EP300: variants seen among roughly 807,000 people sequenced by gnomAD.
EP300 encodes the protein EP300 lysine acetyltransferase.
Under a neutral mutation model 264.0 loss-of-function variants are expected in EP300, and 31 were observed. That is an observed-to-expected ratio of 0.12 (90% confidence interval 0.09 to 0.16). EP300 has a LOEUF of 0.16. Ranked by LOEUF, EP300 falls within the 10% of genes least tolerant of loss-of-function variation. The probability of loss-of-function intolerance (pLI) is 1.00; values close to 1 mark genes in which losing one functional copy is unlikely to be tolerated. For missense variants in EP300, 2,766 were observed against 3,052.9 expected (o/e 0.91, Z 2.21); for synonymous variants, 1,340 against 1,045.4 (o/e 1.28, Z -5.44).
At chr22:41,170,748 G>A (rs1308215476) in intron 27 of EP300, among the ~76,000 whole-genome samples, 177 bp downstream of exon 27, 2 of 131,712 alleles carry the variant, frequency 1.5e-5, no homozygotes, top group South Asian at 2.6e-4. Context: ...TTCAAGCTCC[G>A]CCTCCTGGGT....
At chr22:41,163,957 AC>A in intron 21 of EP300, 95 bp from the exon 22 acceptor site, 1 of 1,101,056 alleles carries the variant, frequency 9.1e-7, no homozygotes, top group East Asian at 2.4e-5. Context: ...TTTGGTCATG[AC>A]CTTGGCTGTC....
intron 20 of EP300, among the ~76,000 whole-genome samples, chr22:41,161,558 A>C (rs1168544694): frequency 1.3e-5 from 2 of 152,192 alleles, no homozygotes; most frequent in Non-Finnish European, 2.9e-5. Flanking sequence ...TGGAGCTTGC[A>C]GTGAGCTGAG....
intron 10 of EP300, among the ~76,000 whole-genome samples, chr22:41,145,603 G>A (rs2059006248): frequency 6.6e-6 from 1 of 152,238 alleles, no homozygotes; most frequent in Admixed American, 6.5e-5. Context: ...CCAGGAAAAA[G>A]ACCTTAGAAT....
At chr22:41,175,227 G>T (rs1221486874) in intron 29 of EP300, among the ~76,000 whole-genome samples, 4 of 152,008 alleles carry the variant, frequency 2.6e-5, no homozygotes, top group East Asian at 1.9e-4. Context: ...TCCAAGTATT[G>T]GCCTGGTTGT....
At position 41,106,370 on chromosome 22, in the gene EP300, T is replaced by C. The variant is rs981305241; in HGVS notation, c.95-10817T>C. On this transcript the variant is annotated intron_variant, in intron 1 of 30. Coordinates refer to ENST00000263253, the MANE Select transcript of EP300 (RefSeq NM_001429.4). ...GGTTTGGTTTTCAACTCCATTCTTT[T>C]TTTGTTTCATTTTTTAAAAAATTCC... 2.0e-5 allele frequency among the ~76,000 whole-genome samples: 3 copies of C among 152,090 alleles called. No individual in the cohort carries two copies. In the East Asian group the frequency reaches 5.8e-4, roughly 29 times the overall value.
intron 16 of EP300, among the ~76,000 whole-genome samples, 156 bp from the exon 17 acceptor site, chr22:41,154,839 A>G (rs1342670061): frequency 1.3e-5 from 2 of 152,188 alleles, no homozygotes; most frequent in Non-Finnish European, 2.9e-5. Context: ...AGAATCTAGA[A>G]TCAGTGATTG....
chr22:41,156,547 C>T (rs1467450483), intron 17 of EP300, among the ~76,000 whole-genome samples: 1 of 151,980 alleles, frequency 6.6e-6, no homozygotes. Flanking sequence ...ATGGTGAAAC[C>T]CCATCTCTAC....
In EP300 at chr22:41,150,139, A is replaced by G; in HGVS notation, c.2758A>G (p.Thr920Ala). 1 of 1,612,614 alleles carries G rather than the reference A, an allele frequency of 6.2e-7. No individual in the cohort carries two copies. Among genetic ancestry groups the G allele is most frequent in the Non-Finnish European group, 8.5e-7 (1 of 1,179,948 alleles). Residue 920 changes from threonine to alanine, a missense_variant, in exon 14 of 31, where the codon ACA (threonine) becomes GCA (alanine). Transcript: ENST00000263253. ...GCAGCAGCCTCGCTCACAGCAGAGCACAGCAGCGTCTGTTCCTACCCCAAC... is the reference window on the plus strand; with the variant it reads ...GCAGCAGCCTCGCTCACAGCAGAGCGCAGCAGCGTCTGTTCCTACCCCAAC... The part of the protein sequence containing the change: ...PQQQPRSQQS[T>A]AASVPTPTAP...
At chr22:41,119,724 G>C (rs1246619879) in intron 2 of EP300, among the ~76,000 whole-genome samples, 1 of 152,100 alleles carries the variant, frequency 6.6e-6, no homozygotes, top group Non-Finnish European at 1.5e-5. Flanking sequence ...ATAGAAGTGA[G>C]CAAAACAAAA....
chr22:41,144,557 A>G (rs2059000542), intron 10 of EP300, among the ~76,000 whole-genome samples: 2 of 151,960 alleles, frequency 1.3e-5, no homozygotes, highest in Admixed American at 1.3e-4. Context: ...GGGTTTCTGT[A>G]TGTTGCCCAG....
intron 28 of EP300, 99 bp downstream of exon 28, chr22:41,172,762 G>A (rs913209665): frequency 1.6e-5 from 20 of 1,264,684 alleles, no homozygotes; most frequent in African/African-American, 9.0e-5. Flanking sequence ...GCTTTCAGGT[G>A]TAAAAGAGCT....
At chr22:41,161,884 C>A (rs1170220313) in intron 20 of EP300, among the ~76,000 whole-genome samples, 1 of 152,174 alleles carries the variant, frequency 6.6e-6, no homozygotes, top group South Asian at 2.1e-4. Context: ...AGAGTAGATA[C>A]TAGGAGCCTT....
intron 27 of EP300, among the ~76,000 whole-genome samples, chr22:41,170,936 T>C (rs900062909): frequency 6.6e-6 from 1 of 151,156 alleles, no homozygotes; most frequent in Non-Finnish European, 1.5e-5. Context: ...GTGCTGGGAT[T>C]ACAGGCATGA....
rs11388493 is a variant in EP300, at chr22:41,130,254, T to TA, written c.1282+267dup. Among the ~76,000 whole-genome samples, 40,385 of 134,722 alleles carry TA rather than the reference T, an allele frequency of 0.3. 5,957 individuals are homozygous for TA. The highest frequency in any genetic ancestry group is 0.45 in the Admixed American group (5,982 of 13,390). The allele number at this position is 134,722 out of a possible 152,430, so 88.4% of individuals were successfully genotyped here. ...TGATGGAGTGAGAACCTGCCTCAAT[T>TA]AAAAAAAAAAAAAAAAGAAAGAAAA... On this transcript the variant is annotated intron_variant, in intron 5 of 30. Coordinates refer to ENST00000263253, the MANE Select transcript of EP300 (RefSeq NM_001429.4).
chr22:41,167,570 GTGTGTGTGTGTGTGTATATATATATA>G (rs1440579637), intron 23 of EP300, among the ~76,000 whole-genome samples: 51 of 42,268 alleles, frequency 1.2e-3, no homozygotes, highest in African/African-American at 5.3e-3. Flanking sequence ...TTGTGTGTGT[GTGTGTGTGTGTGTGTATATATATATA>G]TATATATATA....
chr22:41,130,147 T>C, intron 5 of EP300, 144 bp downstream of exon 5: 1 of 661,710 alleles, frequency 1.5e-6, no homozygotes, highest in South Asian at 1.8e-5. Flanking sequence ...ATTTTTCTGC[T>C]TCCCTAGTGC....
chr22:41,098,700 G>C (rs1172616920), intron 1 of EP300, among the ~76,000 whole-genome samples: 1 of 152,120 alleles, frequency 6.6e-6, no homozygotes, highest in African/African-American at 2.4e-5. Context: ...GAGAGAGAGA[G>C]TAAAACTAAA....
intron 1 of EP300, among the ~76,000 whole-genome samples, chr22:41,115,776 C>G (rs2058817486): frequency 6.6e-6 from 1 of 152,156 alleles, no homozygotes; most frequent in Non-Finnish European, 1.5e-5. Context: ...GTGTTGTACC[C>G]TATTCTGGCT....
At chr22:41,102,530 C>T (rs1473429027) in intron 1 of EP300, among the ~76,000 whole-genome samples, 4 of 152,116 alleles carry the variant, frequency 2.6e-5, no homozygotes, top group Non-Finnish European at 4.4e-5. Flanking sequence ...GGGGGCCAAT[C>T]ATGGAGGGCT....
Sources: allele counts gnomAD v4.1 joint callset (sites outside exome capture counted in the v4.1 genomes callset), GRCh38; gene constraint gnomAD v4.1.1; transcripts MANE v1.5; gene names NCBI Gene and HGNC (gene_info 2026-07-23, HGNC 2026-07-21).